The following MYO18B variants were observed in gnomAD, a reference collection of about 807,000 sequenced individuals.
MYO18B encodes the protein unconventional myosin-XVIIIb.
In MYO18B, 204 loss-of-function variants were observed where a neutral mutation model predicts 273.0. That is an observed-to-expected ratio of 0.75 (90% CI 0.67 to 0.84). The LOEUF is 0.84. Among genes scored for constraint, MYO18B ranks in the 40% least tolerant of loss-of-function variants. The probability of loss-of-function intolerance (pLI) is 0.00; values close to 1 mark genes in which losing one functional copy is unlikely to be tolerated. For synonymous variants in MYO18B, 1,330 were observed against 1,305.7 expected, an observed-to-expected ratio of 1.02 and a Z score of -0.40; for missense variants, 3,212 against 3,287.6, an observed-to-expected ratio of 0.98 and a Z score of 0.56.
At chr22:25,992,070 T>C (rs1398492649) in intron 39 of MYO18B, among the ~76,000 whole-genome samples, 2 of 152,192 alleles carry the variant, frequency 1.3e-5, no homozygotes, top group Non-Finnish European at 2.9e-5. Flanking sequence ...GTGGTGCAGA[T>C]TCAGAGCATG....
intron 40 of MYO18B, among the ~76,000 whole-genome samples, chr22:25,999,645 C>G (rs977440747): frequency 7.8e-6 from 1 of 127,756 alleles, no homozygotes; most frequent in Non-Finnish European, 1.7e-5. Flanking sequence ...CCTCCTTTCT[C>G]CTCCTTCTCC....
At chr22:25,976,583 CT>C (rs1331776614) in intron 39 of MYO18B, among the ~76,000 whole-genome samples, 6 of 152,162 alleles carry the variant, frequency 3.9e-5, no homozygotes, top group Admixed American at 3.9e-4. Context: ...TTATTGGCAT[CT>C]TTTGCTGTTT....
At chr22:25,904,552 G>A (rs1374314907) in intron 31 of MYO18B, among the ~76,000 whole-genome samples, 1 of 152,140 alleles carries the variant, frequency 6.6e-6, no homozygotes. Context: ...CACAGCTTCG[G>A]GGCAGATTGA....
intron 7 of MYO18B, among the ~76,000 whole-genome samples, chr22:25,774,389 G>A (rs956105641): frequency 8.5e-5 from 13 of 152,188 alleles, no homozygotes; most frequent in African/African-American, 2.7e-4. Flanking sequence ...TGTCCACATT[G>A]CCGAGGGACT....
intron 12 of MYO18B, among the ~76,000 whole-genome samples, chr22:25,805,454 G>C (rs1043448975): frequency 2.0e-5 from 3 of 152,198 alleles, no homozygotes; most frequent in African/African-American, 7.2e-5. Context: ...CCTCAGCTGG[G>C]AGCCCTAGAG....
chr22:25,817,330 CTTTT>C (rs1282318826), intron 12 of MYO18B, among the ~76,000 whole-genome samples: 1 of 147,812 alleles, frequency 6.8e-6, no homozygotes, highest in Non-Finnish European at 1.5e-5. Context: ...CTTTTCTTTT[CTTTT>C]TCTTTTCTCT....
intron 16 of MYO18B, among the ~76,000 whole-genome samples, chr22:25,834,960 TC>T (rs1351562175): frequency 2.0e-5 from 3 of 152,178 alleles, no homozygotes; most frequent in Non-Finnish European, 4.4e-5. Context: ...TCCAGAGGGT[TC>T]CCCTTGTTAA....
intron 21 of MYO18B, among the ~76,000 whole-genome samples, chr22:25,857,511 C>T (rs1015003651): frequency 5.3e-5 from 8 of 152,196 alleles, no homozygotes; most frequent in Admixed American, 6.5e-5. Context: ...GGAAGAAACC[C>T]TTATGAGCCC....
At chr22:25,965,179 A>T (rs745438181) in intron 39 of MYO18B, 17 of 152,238 alleles carry the variant, frequency 1.1e-4, no homozygotes, top group Non-Finnish European at 1.9e-4. Context: ...AGCATCAATT[A>T]TATATGGTTC....
At chr22:25,867,445 C>A (rs752979352) in intron 21 of MYO18B, among the ~76,000 whole-genome samples, 7 of 152,320 alleles carry the variant, frequency 4.6e-5, no homozygotes, top group Non-Finnish European at 8.8e-5. Flanking sequence ...CATGTTGTAG[C>A]ATGTGTCAGA....
intron 25 of MYO18B, among the ~76,000 whole-genome samples, chr22:25,886,589 G>A (rs963957841): frequency 6.6e-6 from 1 of 152,148 alleles, no homozygotes; most frequent in Admixed American, 6.5e-5. Flanking sequence ...GGGTGGTTGA[G>A]GTCCAGATCT....
rs695428 is a variant in MYO18B, at chr22:25,877,883, G to C, written c.4225-76G>C. 0.8 allele frequency: 990,469 copies of C among 1,244,174 alleles called. 396,163 individuals carry two copies. Among genetic ancestry groups the C allele is most frequent in the East Asian group, 1 (38,886 of 38,914 alleles). The allele number at this position is 1,244,174 out of a possible 1,614,324, so 77.1% of individuals were successfully genotyped here. ...TTCCTCCTAACGGAAACTTTGTGCC[G>C]TTTGCTCACTCCTAACACAGGTGGA... On this transcript the variant is annotated intron_variant, in intron 24 of 43. Coordinates refer to ENST00000335473, the MANE Select transcript of MYO18B (RefSeq NM_032608.7).
chr22:25,832,800 A>C (rs1007194889), intron 15 of MYO18B, 117 bp from the exon 16 acceptor site: 2 of 855,868 alleles, frequency 2.3e-6, no homozygotes, highest in Non-Finnish European at 3.6e-6. Flanking sequence ...TAAAAAAACG[A>C]TTTTTTTAAA....
intron 16 of MYO18B, 141 bp downstream of exon 16, chr22:25,833,138 C>T (rs1245426013): frequency 5.4e-6 from 4 of 734,540 alleles, no homozygotes; most frequent in Non-Finnish European, 9.2e-6. Flanking sequence ...AACGTGGATG[C>T]CTGGGACCCA....
intron 39 of MYO18B, among the ~76,000 whole-genome samples, chr22:25,976,564 AC>A (rs1477511943): frequency 1.3e-5 from 2 of 152,178 alleles, no homozygotes; most frequent in Non-Finnish European, 2.9e-5. Context: ...ATGCCTGGCC[AC>A]ATGCTGTTTA....
downstream of MYO18B, among the ~76,000 whole-genome samples, chr22:26,032,417 C>T (rs5752258): frequency 6.6e-6 from 1 of 151,936 alleles, no homozygotes. Flanking sequence ...TTCTGTGTGG[C>T]TGCACCTCTG....
intron 7 of MYO18B, 106 bp from the exon 8 acceptor site, chr22:25,777,477 G>A: frequency 9.2e-7 from 1 of 1,090,442 alleles, no homozygotes; most frequent in South Asian, 1.9e-5. Flanking sequence ...CAGATCTGGA[G>A]GCAGGGACAC....
In MYO18B at chr22:25,925,736, C is replaced by T. The variant is rs1306710467; in HGVS notation, c.5517+4327C>T. On this transcript the variant is annotated intron_variant, in intron 34 of 43. Transcript: ENST00000335473. ...CCTGGTTAACATGGTGAAACCCTGT[C>T]TCTACTAAAAATACAAAAATTAGCC... Among the ~76,000 whole-genome samples, 10 of 151,432 alleles carry T rather than the reference C, an allele frequency of 6.6e-5. No individual in the cohort carries two copies. The East Asian group carries it at 1.8e-3, about 27-fold the overall frequency.
chr22:26,059,144 C>T, the MYO18B span, among the ~76,000 whole-genome samples: 1 of 152,192 alleles, frequency 6.6e-6, no homozygotes, highest in Non-Finnish European at 1.5e-5. Flanking sequence ...TGGACAAGGA[C>T]ATTTTCTGAC....
Sources: allele counts gnomAD v4.1 joint callset (sites outside exome capture counted in the v4.1 genomes callset), GRCh38; gene constraint gnomAD v4.1.1; transcripts MANE v1.5; gene names NCBI Gene and HGNC (gene_info 2026-07-23, HGNC 2026-07-21).